SIPA1L2: variants seen among roughly 807,000 people sequenced by gnomAD.
The protein encoded by SIPA1L2 is signal induced proliferation associated 1 like 2, also known as signal-induced proliferation-associated 1-like protein 2.
SIPA1L2 carries 56 observed loss-of-function variants against 163.9 expected under a neutral mutation model. The observed-to-expected ratio is 0.34, with a 90% CI of 0.28 to 0.43. The LOEUF (loss-of-function observed/expected upper bound fraction) is 0.43. Ranked by LOEUF, SIPA1L2 falls within the 20% of genes least tolerant of loss-of-function variation. The pLI is 1.00. For missense variants in SIPA1L2, 1,974 were observed against 2,193.5 expected (o/e 0.90, Z 2.00); for synonymous variants, 877 against 865.7 (o/e 1.01, Z -0.23).
chr1:232,600,798 A>G lies in SIPA1L2; in HGVS notation c.-318-26576T>C, dbSNP rs139986855. On this transcript the variant is annotated intron_variant, in intron 1 of 22. Coordinates refer to ENST00000674635, the MANE Select transcript of SIPA1L2 (RefSeq NM_020808.5). ...CAGAAGGTGGCAGTTGCTCCAGGAA[A>G]ACTCATGGAAGCCACTCATATGGAA... 2.4e-3 allele frequency among the ~76,000 whole-genome samples: 360 copies of G among 152,264 alleles called. 3 individuals are homozygous for G. The highest frequency in any genetic ancestry group is 7.1e-3 in the African/African-American group (296 of 41,530).
At chr1:232,551,089 G>A (rs1049501358) in intron 2 of SIPA1L2, among the ~76,000 whole-genome samples, 1 of 152,078 alleles carries the variant, frequency 6.6e-6, no homozygotes, top group Non-Finnish European at 1.5e-5. Flanking sequence ...ACAAACTACC[G>A]TGCGTTTCTA....
At chr1:232,577,928 T>C (rs1446578212) in intron 1 of SIPA1L2, among the ~76,000 whole-genome samples, 1 of 152,168 alleles carries the variant, frequency 6.6e-6, no homozygotes, top group African/African-American at 2.4e-5. Flanking sequence ...GTCTTGAAGT[T>C]CTACTGTGGG....
intron 5 of SIPA1L2, 96 bp from the exon 6 acceptor site, chr1:232,484,062 G>A (rs1474695287): frequency 8.4e-7 from 1 of 1,186,542 alleles, no homozygotes; most frequent in Non-Finnish European, 1.2e-6. Flanking sequence ...ATTGTTCTAG[G>A]AAAGCATGCC....
At chr1:232,551,385 A>G (rs560468641) in intron 2 of SIPA1L2, among the ~76,000 whole-genome samples, 1 of 152,352 alleles carries the variant, frequency 6.6e-6, no homozygotes, top group African/African-American at 2.4e-5. Flanking sequence ...TCCAGTATCT[A>G]AGGAACATTG....
chr1:232,523,432 G>A (rs1047848790), intron 2 of SIPA1L2, among the ~76,000 whole-genome samples: 15 of 152,122 alleles, frequency 9.9e-5, no homozygotes, highest in African/African-American at 3.6e-4. Context: ...GGCACAGCAG[G>A]AAATCAGTCA....
intron 5 of SIPA1L2, among the ~76,000 whole-genome samples, chr1:232,485,988 T>C (rs956878752): frequency 3.3e-5 from 5 of 152,250 alleles, no homozygotes; most frequent in African/African-American, 1.2e-4. Context: ...CTCTATTCCT[T>C]TACCTCCTGC....
intron 2 of SIPA1L2, among the ~76,000 whole-genome samples, chr1:232,564,024 C>CTGGAGTGCAA (rs1290068350): frequency 1.7e-5 from 2 of 117,024 alleles, no homozygotes; most frequent in Non-Finnish European, 3.2e-5. Context: ...GTTGCCCAGG[C>CTGGAGTGCAA]TGGAGTGCAA....
chr1:232,434,798 C>T (rs1361320586), intron 15 of SIPA1L2, among the ~76,000 whole-genome samples: 1 of 152,132 alleles, frequency 6.6e-6, no homozygotes, highest in Non-Finnish European at 1.5e-5. Context: ...TTTTCAAGAT[C>T]CACTAATTCC....
chr1:232,425,661 T>C lies in SIPA1L2; in HGVS notation c.4558A>G (p.Ser1520Gly), dbSNP rs1661851918. 2.5e-6 allele frequency: 4 copies of C among 1,613,466 alleles called. No individual in the cohort carries two copies. Among genetic ancestry groups the C allele is most frequent in the Non-Finnish European group, 3.4e-6 (4 of 1,179,870 alleles). ...GTGCTGTGGTAGGGTGGGGTGGTGC[T>C]GAACAGAATGTCGTTGGGCAGGGCC... Reference protein sequence around the residue: ...DQALPNDILFSTTPPYHSTLP... With the variant: ...DQALPNDILFGTTPPYHSTLP... The change falls in exon 18 of 23, where the codon AGC becomes GGC. Residue 1520 changes from serine (S) to glycine (G), a missense_variant. By Grantham distance (56) the Ser-to-Gly change is moderately conservative (BLOSUM62 0). Around this residue, in one of 3 missense-constraint regions of SIPA1L2, gnomAD observed 1,079 missense variants for 1,150.7 expected, o/e 0.94. Transcript: ENST00000674635.
intron 20 of SIPA1L2, 34 bp downstream of exon 20, chr1:232,404,091 T>C (rs1378586271): frequency 1.2e-6 from 2 of 1,612,824 alleles, no homozygotes; most frequent in Admixed American, 3.3e-5. Context: ...GGTTACAGGA[T>C]ATCAGGAGCC....
chr1:232,436,927 C>A (rs1302648133), intron 15 of SIPA1L2, among the ~76,000 whole-genome samples: 1 of 152,180 alleles, frequency 6.6e-6, no homozygotes, highest in East Asian at 1.9e-4. Flanking sequence ...AAAGGGCAGT[C>A]AAGTGGTAAA....
At chr1:232,467,919 A>T (rs907527143) in intron 8 of SIPA1L2, among the ~76,000 whole-genome samples, 7 of 152,186 alleles carry the variant, frequency 4.6e-5, no homozygotes, top group Non-Finnish European at 1.0e-4. Flanking sequence ...TAGTAGGGAA[A>T]TTTTTTGTGT....
chr1:232,414,276 G>A (rs772537418), intron 19 of SIPA1L2, among the ~76,000 whole-genome samples: 6 of 152,170 alleles, frequency 3.9e-5, no homozygotes, highest in Non-Finnish European at 7.3e-5. Flanking sequence ...CTTGAGAGTG[G>A]ATTCCAACTC....
chr1:232,554,585 C>T (rs1039514516), intron 2 of SIPA1L2, among the ~76,000 whole-genome samples: 1 of 152,136 alleles, frequency 6.6e-6, no homozygotes, highest in Non-Finnish European at 1.5e-5. Flanking sequence ...ACTGGTGTCA[C>T]GAAGAATGAA....
At chr1:232,443,726 T>C (rs369192686) in intron 11 of SIPA1L2, 41 bp from the exon 12 acceptor site, 3 of 1,544,572 alleles carry the variant, frequency 1.9e-6, no homozygotes, top group African/African-American at 2.7e-5. Context: ...CACTGAACTA[T>C]CTGCCAAGCC....
intron 19 of SIPA1L2, among the ~76,000 whole-genome samples, chr1:232,407,623 G>C (rs1310600775): frequency 6.6e-6 from 1 of 152,122 alleles, no homozygotes; most frequent in Non-Finnish European, 1.5e-5. Context: ...ATTTGCACAG[G>C]AGCACACACA....
chr1:232,576,692 A>G (rs1168637788), intron 1 of SIPA1L2, among the ~76,000 whole-genome samples: 1 of 152,264 alleles, frequency 6.6e-6, no homozygotes, highest in East Asian at 1.9e-4. Context: ...TGCGCCAAAC[A>G]GCCAAGTCGC....
intron 2 of SIPA1L2, among the ~76,000 whole-genome samples, chr1:232,521,050 T>A (rs1667439094): frequency 6.6e-6 from 1 of 152,188 alleles, no homozygotes; most frequent in Admixed American, 6.5e-5. Context: ...GCCTGGTAAG[T>A]TTTTGATAGA....
chr1:232,459,751 G>A (rs149653989), intron 10 of SIPA1L2, among the ~76,000 whole-genome samples: 2,525 of 152,048 alleles, frequency 0.017, 26 homozygotes, highest in Non-Finnish European at 0.024. Flanking sequence ...GGGCTCAAGC[G>A]ATCTGCCCAC....
Sources: gnomAD v4.1 joint callset for allele counts (sites outside exome capture counted in the v4.1 genomes callset) on GRCh38, gnomAD v4.1.1 for gene constraint, gnomAD v4.1.1 regional missense constraint, MANE v1.5 for transcripts, NCBI Gene and HGNC (gene_info 2026-07-23, HGNC 2026-07-21) for gene names.